SIK3: variants seen among roughly 807,000 people sequenced by gnomAD.
The protein encoded by SIK3 is serine/threonine-protein kinase SIK3.
Under a neutral mutation model 144.2 loss-of-function variants are expected in SIK3, and 28 were observed. That is an observed-to-expected ratio of 0.19 (90% CI 0.14 to 0.27). The LOEUF (loss-of-function observed/expected upper bound fraction) is 0.27. Among genes scored for constraint, SIK3 ranks in the 10% least tolerant of loss-of-function variants. SIK3 has a pLI of 1.00. For missense variants in SIK3, 1,319 were observed against 1,776.0 expected (o/e 0.74, Z 4.62); for synonymous variants, 686 against 676.3 (o/e 1.01, Z -0.22).
At chr11:117,019,501 C>T (rs1056050415) in intron 1 of SIK3, among the ~76,000 whole-genome samples, 1 of 152,156 alleles carries the variant, frequency 6.6e-6, no homozygotes, top group Non-Finnish European at 1.5e-5. Flanking sequence ...TAAATAATTA[C>T]TAAGTAAATT....
In SIK3 at chr11:116,863,656, C is replaced by T. The variant is rs778873667; in HGVS notation, c.2103+12G>A. 6.2e-7 allele frequency: 1 copy of T among 1,613,966 alleles called. No homozygotes were observed. The highest frequency in any genetic ancestry group is 2.2e-5 in the East Asian group (1 of 44,888). Reference sequence around the variant, plus strand: ...ATGCTCCTCCAGGGATGCCTGCCACCTCTTCCATTACCTGCTGCAGCTGTT... The same window carrying T: ...ATGCTCCTCCAGGGATGCCTGCCACTTCTTCCATTACCTGCTGCAGCTGTT... On this transcript the variant is annotated intron_variant, in intron 16 of 24. Coordinates refer to ENST00000445177, the MANE Select transcript of SIK3 (RefSeq NM_001366686.3).
At chr11:116,963,742 G>A (rs1394783815) in intron 1 of SIK3, among the ~76,000 whole-genome samples, 1 of 152,146 alleles carries the variant, frequency 6.6e-6, no homozygotes, top group African/African-American at 2.4e-5. Context: ...TGAGAAAATA[G>A]TCACTCAATT....
At chr11:116,855,144 C>T (rs922105314) in intron 21 of SIK3, 2 of 144,418 alleles carry the variant, frequency 1.4e-5, no homozygotes, top group African/African-American at 2.7e-5. Flanking sequence ...TGAATCTAGA[C>T]GATGCATTTT....
At chr11:116,974,322 C>T (rs544225392) in intron 1 of SIK3, among the ~76,000 whole-genome samples, 9 of 152,316 alleles carry the variant, frequency 5.9e-5, no homozygotes, top group East Asian at 5.8e-4. Flanking sequence ...GTAACCAGAT[C>T]GCTTAACAAA....
At chr11:117,010,625 T>C (rs762361860) in intron 1 of SIK3, among the ~76,000 whole-genome samples, 1 of 151,942 alleles carries the variant, frequency 6.6e-6, no homozygotes, top group Non-Finnish European at 1.5e-5. Context: ...GCCTTGGTCC[T>C]CTTTAATTTT....
At chr11:117,090,785 A>C (rs909003309) in intron 1 of SIK3, among the ~76,000 whole-genome samples, 2 of 152,228 alleles carry the variant, frequency 1.3e-5, no homozygotes, top group Non-Finnish European at 2.9e-5. Context: ...TAGGGTACTA[A>C]AAGTTAGTGG....
intron 3 of SIK3, among the ~76,000 whole-genome samples, chr11:116,935,719 G>A (rs1591366263): frequency 6.6e-6 from 1 of 152,174 alleles, no homozygotes; most frequent in South Asian, 2.1e-4. Flanking sequence ...TAACCTGCAT[G>A]CTCCAAGTCA....
chr11:116,922,905 C>CTTTTTTTTTTT (rs1565455993), intron 4 of SIK3, among the ~76,000 whole-genome samples: 3 of 118,690 alleles, frequency 2.5e-5, no homozygotes, highest in African/African-American at 7.0e-5. Flanking sequence ...CTTTTCTTTT[C>CTTTTTTTTTTT]TCTTTTTTTT....
intron 2 of SIK3, among the ~76,000 whole-genome samples, chr11:116,956,371 T>C (rs980045255): frequency 2.0e-5 from 3 of 151,872 alleles, no homozygotes; most frequent in African/African-American, 7.3e-5. Context: ...ATCTCTCCTA[T>C]TGGAGAGATC....
intron 3 of SIK3, among the ~76,000 whole-genome samples, chr11:116,942,032 A>G (rs1948333858): frequency 6.6e-6 from 1 of 152,228 alleles, no homozygotes; most frequent in Non-Finnish European, 1.5e-5. Flanking sequence ...TATTCATGAA[A>G]TAACCAATTA....
intron 8 of SIK3, 40 bp from the exon 9 acceptor site, chr11:116,876,049 A>G (rs1295763670): frequency 6.2e-7 from 1 of 1,610,320 alleles, no homozygotes; most frequent in Non-Finnish European, 8.5e-7. Context: ...AACCCTGGTG[A>G]AATGGCATGT....
At chr11:116,914,265 A>C (rs905893973) in intron 4 of SIK3, among the ~76,000 whole-genome samples, 6 of 149,236 alleles carry the variant, frequency 4.0e-5, no homozygotes, top group African/African-American at 1.5e-4. Flanking sequence ...CTAGAGTGCA[A>C]TGCCACCATT....
intron 4 of SIK3, among the ~76,000 whole-genome samples, chr11:116,923,293 T>C (rs143259775): frequency 1.3e-5 from 2 of 152,338 alleles, no homozygotes; most frequent in African/African-American, 4.8e-5. Context: ...TAGTTTCTTC[T>C]TACTGACATT....
At chr11:117,095,186 T>A (rs1266748310) in intron 1 of SIK3, among the ~76,000 whole-genome samples, 3 of 102,108 alleles carry the variant, frequency 2.9e-5, no homozygotes, top group African/African-American at 8.2e-5. Flanking sequence ...ATGGGTCATG[T>A]GTGTTTAAAA....
At chr11:116,877,086 G>A in intron 6 of SIK3, 44 bp from the exon 7 acceptor site, 1 of 1,554,452 alleles carries the variant, frequency 6.4e-7, no homozygotes, top group Non-Finnish European at 8.9e-7. Context: ...GGTGAGGGGA[G>A]GCACCAGGGG....
intron 1 of SIK3, among the ~76,000 whole-genome samples, chr11:116,969,038 C>A (rs980328574): frequency 1.3e-5 from 2 of 152,052 alleles, no homozygotes; most frequent in African/African-American, 4.8e-5. Flanking sequence ...TGCCTGTAAT[C>A]CCAGCATTTT....
At chr11:117,019,240 G>T (rs1018004361) in intron 1 of SIK3, among the ~76,000 whole-genome samples, 1 of 151,350 alleles carries the variant, frequency 6.6e-6, no homozygotes, top group Non-Finnish European at 1.5e-5. Context: ...GGCTGGTCTC[G>T]AACTCCTGAG....
At position 116,875,715 on chromosome 11, in the gene SIK3, T is replaced by C. The variant is rs895920802; in HGVS notation, c.1239+151A>G. On this transcript the variant is annotated intron_variant, in intron 9 of 24. Coordinates refer to ENST00000445177, the MANE Select transcript of SIK3 (RefSeq NM_001366686.3). ...CATCAAAAAAGGTTCAGATCTTTGA[T>C]TGGCCTCTGACAAAGGAAGAGATGA... The C allele has an allele frequency of 1.8e-4, 188 of 1,022,944 alleles. 3 individuals are homozygous for C. Among genetic ancestry groups the C allele is most frequent in the South Asian group, 1.8e-3 (115 of 62,592 alleles). The allele number at this position is 1,022,944 out of a possible 1,614,324, so 63.4% of individuals were successfully genotyped here.
chr11:117,020,233 G>T (rs200212413), intron 1 of SIK3, among the ~76,000 whole-genome samples: 1 of 88,086 alleles, frequency 1.1e-5, no homozygotes, highest in Non-Finnish European at 2.2e-5. Flanking sequence ...ATGTGTATAT[G>T]TGCATATATA....
Sources: allele counts gnomAD v4.1 joint callset (sites outside exome capture counted in the v4.1 genomes callset), GRCh38; gene constraint gnomAD v4.1.1; transcripts MANE v1.5; gene names NCBI Gene and HGNC (gene_info 2026-07-23, HGNC 2026-07-21).